HHIPL1: variants seen among roughly 807,000 people sequenced by gnomAD.
HHIPL1 encodes the protein HHIP like 1.
HHIPL1 carries 43 observed loss-of-function variants against 61.8 expected under a neutral mutation model. That is an observed-to-expected ratio of 0.70 (90% confidence interval 0.55 to 0.90). The LOEUF (loss-of-function observed/expected upper bound fraction) is 0.90, where lower values mean the gene tolerates loss of function less well. Among genes scored for constraint, HHIPL1 ranks in the 40% least tolerant of loss-of-function variants. The pLI is 0.00. For synonymous variants in HHIPL1, 482 were observed against 515.8 expected, an observed-to-expected ratio of 0.93 and a Z score of 0.89; for missense variants, 1,056 against 1,157.7, an observed-to-expected ratio of 0.91 and a Z score of 1.28.
At chr14:99,611,571 C>T in the HHIPL1 span, among the ~76,000 whole-genome samples, 1 of 148,470 alleles carries the variant, frequency 6.7e-6, no homozygotes, top group Non-Finnish European at 1.5e-5. Flanking sequence ...AAAATGTGAG[C>T]CACCGTGCCT....
chr14:99,643,072 G>A (rs544330710), upstream of HHIPL1, among the ~76,000 whole-genome samples: 6 of 150,966 alleles, frequency 4.0e-5, no homozygotes, highest in Admixed American at 6.6e-5. Context: ...ACAGAGTCTC[G>A]CTCTGTCACC....
the HHIPL1 span, among the ~76,000 whole-genome samples, chr14:99,636,558 C>A: frequency 6.6e-6 from 1 of 152,138 alleles, no homozygotes; most frequent in African/African-American, 2.4e-5. Flanking sequence ...TTTTTGGTGA[C>A]TTGCAAGATC....
At chr14:99,639,081 C>T in the HHIPL1 span, among the ~76,000 whole-genome samples, 3 of 152,234 alleles carry the variant, frequency 2.0e-5, no homozygotes, top group Admixed American at 6.5e-5. Flanking sequence ...CTAGCACGTG[C>T]CAGATGTCAT....
upstream of HHIPL1, among the ~76,000 whole-genome samples, chr14:99,643,749 G>A (rs1285605014): frequency 1.3e-4 from 20 of 152,226 alleles, no homozygotes. Context: ...AAAGCCACAG[G>A]TGGGAGTTGG....
the HHIPL1 span, among the ~76,000 whole-genome samples, chr14:99,638,763 C>G: frequency 3.3e-5 from 5 of 152,244 alleles, no homozygotes; most frequent in Non-Finnish European, 7.3e-5. Context: ...AACTGGGACA[C>G]TTCTCAGCCC....
the HHIPL1 span, among the ~76,000 whole-genome samples, chr14:99,618,215 G>A: frequency 1.1e-4 from 17 of 152,210 alleles, no homozygotes; most frequent in Non-Finnish European, 1.8e-4. Flanking sequence ...AAAGAGGAAG[G>A]GCTGGCACCA....
At chr14:99,646,796 TG>T (rs1156870212) in intron 1 of HHIPL1, among the ~76,000 whole-genome samples, 62 of 107,294 alleles carry the variant, frequency 5.8e-4, no homozygotes, top group Middle Eastern at 5.0e-3. Context: ...TAATATAATA[TG>T]ATATGATATG....
At chr14:99,612,999 A>G in the HHIPL1 span, among the ~76,000 whole-genome samples, 1 of 152,194 alleles carries the variant, frequency 6.6e-6, no homozygotes, top group Non-Finnish European at 1.5e-5. Flanking sequence ...GGTGGAATGA[A>G]AGTCGCAAAG....
chr14:99,622,095 C>A, the HHIPL1 span, among the ~76,000 whole-genome samples: 1 of 151,962 alleles, frequency 6.6e-6, no homozygotes, highest in African/African-American at 2.4e-5. Context: ...TGCAATTGAC[C>A]TTTTGCTCCT....
the HHIPL1 span, among the ~76,000 whole-genome samples, chr14:99,604,974 G>A: frequency 6.6e-6 from 1 of 152,174 alleles, no homozygotes; most frequent in Non-Finnish European, 1.5e-5. Flanking sequence ...CTAGCCCAGG[G>A]CTGAGCTAAA....
intron 2 of HHIPL1, 144 bp from the exon 3 acceptor site, chr14:99,656,854 AGG>A (rs1566810018): frequency 0.061 from 3,312 of 54,550 alleles, 722 homozygotes; most frequent in Admixed American, 0.067. Context: ...GAAGGAAGGA[AGG>A]AAGGAAGGAA....
chr14:99,633,306 G>T, the HHIPL1 span, among the ~76,000 whole-genome samples: 1 of 152,268 alleles, frequency 6.6e-6, no homozygotes, highest in South Asian at 2.1e-4. Context: ...TTTCTGCCTT[G>T]TGGTTTCAGC....
At position 99,669,016 on chromosome 14, in the gene HHIPL1, G is replaced by T. The variant is rs2056295325; in HGVS notation, c.1730+713G>T. The T allele has an allele frequency of 9.9e-6, 15 of 1,517,886 alleles. No individual in the cohort carries two copies. The South Asian group carries it at 1.7e-4, about 17-fold the overall frequency. 94.0% of individuals were successfully genotyped at this position (1,517,886 alleles called of 1,614,324 possible). A position where few individuals can be genotyped will look rare whatever the true frequency, so the allele number is the denominator to read the frequency against. ...TCCAGAGCCCTGCCCTAACCCCTTG[G>T]CTGTGTGCCTTCACCTCACCCTCTT... On this transcript the variant is annotated intron_variant, in intron 7 of 8. Transcript: ENST00000330710.
the HHIPL1 span, among the ~76,000 whole-genome samples, chr14:99,638,701 G>A: frequency 2.0e-5 from 3 of 152,332 alleles, no homozygotes; most frequent in East Asian, 3.9e-4. Flanking sequence ...AGGGCCAGGC[G>A]GCTCCCTTGT....
chr14:99,608,879 G>A, the HHIPL1 span, among the ~76,000 whole-genome samples: 1 of 152,188 alleles, frequency 6.6e-6, no homozygotes, highest in Non-Finnish European at 1.5e-5. Context: ...GCTGAACCAG[G>A]ATTTGAACCC....
At chr14:99,659,868 C>T in intron 4 of HHIPL1, 112 bp downstream of exon 4, 1 of 692,940 alleles carries the variant, frequency 1.4e-6, no homozygotes, top group Non-Finnish European at 2.1e-6. Context: ...CCGGAGATCC[C>T]TGACCCTGAG....
chr14:99,630,031 ACTCT>A, the HHIPL1 span, among the ~76,000 whole-genome samples: 2 of 150,568 alleles, frequency 1.3e-5, no homozygotes, highest in East Asian at 2.0e-4. Flanking sequence ...GTGTAGAAAA[ACTCT>A]CTCTCTATGA....
upstream of HHIPL1, among the ~76,000 whole-genome samples, chr14:99,641,443 T>C (rs563314323): frequency 7.9e-5 from 12 of 151,062 alleles, no homozygotes; most frequent in East Asian, 2.1e-3. Flanking sequence ...TCACAGAGTC[T>C]CGTTCTGTTG....
chr14:99,612,187 G>A, the HHIPL1 span, among the ~76,000 whole-genome samples: 3 of 152,324 alleles, frequency 2.0e-5, no homozygotes, highest in South Asian at 2.1e-4. Flanking sequence ...AATGAGAGCC[G>A]AGCGATGGGG....
Sources: allele counts gnomAD v4.1 joint callset (sites outside exome capture counted in the v4.1 genomes callset), GRCh38; gene constraint gnomAD v4.1.1; transcripts MANE v1.5; gene names NCBI Gene and HGNC (gene_info 2026-07-23, HGNC 2026-07-21).